Variants in SFXN5 observed in about 807,000 individuals in gnomAD.
SFXN5 encodes the protein sideroflexin-5.
Under a neutral mutation model 50.2 loss-of-function variants are expected in SFXN5, and 43 were observed. The ratio of observed to expected loss-of-function variants is 0.86; its 90% CI spans 0.67 to 1.11. The LOEUF is 1.11. Among genes scored for constraint, SFXN5 ranks in the 50% least tolerant of loss-of-function variants. The pLI, the probability that SFXN5 is intolerant of heterozygous loss-of-function variation, is 0.00. For missense variants in SFXN5, 463 were observed against 454.1 expected (o/e 1.02, Z -0.18); for synonymous variants, 203 against 185.8 (o/e 1.09, Z -0.75).
chr2:73,018,472 A>G (rs1425389126), intron 6 of SFXN5, among the ~76,000 whole-genome samples: 1 of 152,186 alleles, frequency 6.6e-6, no homozygotes, highest in Non-Finnish European at 1.5e-5. Context: ...AAAACCACAA[A>G]GACTGTATTA....
intron 13 of SFXN5, among the ~76,000 whole-genome samples, chr2:72,952,181 C>A (rs1044142603): frequency 6.6e-6 from 1 of 152,210 alleles, no homozygotes; most frequent in African/African-American, 2.4e-5. Context: ...CTTTTTCCAG[C>A]TTCTTCACCC....
intron 2 of SFXN5, among the ~76,000 whole-genome samples, chr2:73,047,283 T>TATATATATATATATATATATATACAC (rs1325442108): frequency 6.5e-4 from 48 of 73,568 alleles, no homozygotes; most frequent in South Asian, 2.0e-3. Context: ...TATACACACA[T>TATATATATATATATATATATATACAC]ATATATATAT....
In SFXN5 at chr2:73,000,482, C is replaced by T; in HGVS notation, c.417G>A (p.Leu139=). Residue 139 remains leucine, a synonymous_variant, in exon 8 of 14, where the codon CTG becomes CTA. Transcript: ENST00000272433. Reference sequence around the variant, plus strand: ...TGACACAGGCATTGTGGCTCTGGTTCAGCCACTGAAAGGCAATGATGAGAG... The same window carrying T: ...TGACACAGGCATTGTGGCTCTGGTTTAGCCACTGAAAGGCAATGATGAGAG... ...TLASTVFWQW[L]NQSHNACVNY... 1 of 1,558,986 alleles carries T rather than the reference C, an allele frequency of 6.4e-7. No individual in the cohort carries two copies. Among genetic ancestry groups the T allele is most frequent in the Non-Finnish European group, 8.7e-7 (1 of 1,150,044 alleles).
At chr2:73,023,069 G>A in intron 4 of SFXN5, 119 bp downstream of exon 4, 1 of 963,490 alleles carries the variant, frequency 1.0e-6, no homozygotes, top group Non-Finnish European at 1.6e-6. Context: ...GGGGGCCAAG[G>A]GCAAATGTGA....
rs1673739888 is a variant in SFXN5, at chr2:72,961,482, G to A, written c.828-234C>T. Among the ~76,000 whole-genome samples, 1 of 152,208 alleles carries A rather than the reference G, an allele frequency of 6.6e-6. No homozygotes were observed. The highest frequency in any genetic ancestry group is 2.1e-4 in the South Asian group (1 of 4,832). On this transcript the variant is annotated intron_variant, in intron 12 of 13. Transcript: ENST00000272433. The surrounding 1 kb of genome is among the most constrained non-coding windows in gnomAD (Gnocchi z 4.4). ...CCCAATGTCTTGAAGGACGTTGCTG[G>A]CTGAAACCTCAATTACTCAGGTCAC...
intron 13 of SFXN5, among the ~76,000 whole-genome samples, chr2:72,956,669 G>C (rs542028868): frequency 6.6e-6 from 1 of 152,200 alleles, no homozygotes; most frequent in Non-Finnish European, 1.5e-5. Context: ...ACCTACCTTG[G>C]AGAATTCTCA....
At chr2:73,047,868 C>A (rs59108557) in intron 2 of SFXN5, among the ~76,000 whole-genome samples, 10 of 151,834 alleles carry the variant, frequency 6.6e-5, no homozygotes, top group African/African-American at 2.4e-4. Context: ...ATTTATCCAA[C>A]GGAATTAAAG....
chr2:73,052,712 G>A (rs1171218760), intron 2 of SFXN5, among the ~76,000 whole-genome samples: 1 of 152,200 alleles, frequency 6.6e-6, no homozygotes, highest in Non-Finnish European at 1.5e-5. Context: ...ATAATTAAGA[G>A]TAATTCAGAT....
chr2:73,036,656 C>A (rs1371449490), intron 3 of SFXN5, among the ~76,000 whole-genome samples: 1 of 152,116 alleles, frequency 6.6e-6, no homozygotes, highest in African/African-American at 2.4e-5. Context: ...ACTCTGGGAG[C>A]TGGAAGGGGT....
chr2:73,047,247 T>TATATATATATATATATATATATACACAC (rs1559199544), intron 2 of SFXN5, among the ~76,000 whole-genome samples: 21 of 19,448 alleles, frequency 1.1e-3, no homozygotes, highest in South Asian at 3.1e-3. Context: ...AAAAAAAAAA[T>TATATATATATATATATATATATACACAC]ATATATATAT....
intron 1 of SFXN5, chr2:73,070,646 G>C (rs1415468737): frequency 2.0e-5 from 3 of 152,054 alleles, no homozygotes; most frequent in Admixed American, 1.3e-4. Flanking sequence ...CCCCGGCTCC[G>C]GTCTCCGGGC....
rs577319125 is a variant in SFXN5, at chr2:72,954,879, C to T, written c.945+6252G>A. ...ACCAGGGCCCTGTCTTGAGTTTTCA[C>T]TTCCCTAATCCTACTGGGAGAAACT... On this transcript the variant is annotated intron_variant, in intron 13 of 13. Coordinates refer to ENST00000272433, the MANE Select transcript of SFXN5 (RefSeq NM_144579.3). Among the ~76,000 whole-genome samples the T allele has an allele frequency of 2.6e-5, 4 of 152,364 alleles. No homozygotes were observed. In the East Asian group the frequency reaches 7.7e-4, roughly 29 times the overall value.
At position 72,999,627 on chromosome 2, in the gene SFXN5, G is replaced by A. The variant is rs187794775; in HGVS notation, c.469-613C>T. Among the ~76,000 whole-genome samples the A allele has an allele frequency of 1.6e-3, 237 of 152,022 alleles. 2 individuals carry two copies. Among genetic ancestry groups the A allele is most frequent in the African/African-American group, 5.0e-3 (208 of 41,484 alleles). ...CATCCAAGCAGAGATGGCCATATGT[G>A]AAGCCTATGAGAGAGACTTGGGGTG... On this transcript the variant is annotated intron_variant, in intron 8 of 13. Coordinates refer to ENST00000272433, the MANE Select transcript of SFXN5 (RefSeq NM_144579.3).
intron 13 of SFXN5, among the ~76,000 whole-genome samples, chr2:72,955,291 G>A (rs757957909): frequency 4.1e-4 from 62 of 152,236 alleles, no homozygotes; most frequent in African/African-American, 1.2e-3. Context: ...CCCGCCGCCC[G>A]CCCGTTCACG....
chr2:72,984,848 G>A (rs1393088188), intron 10 of SFXN5, among the ~76,000 whole-genome samples: 4 of 152,126 alleles, frequency 2.6e-5, no homozygotes, highest in Non-Finnish European at 4.4e-5. Flanking sequence ...GTCCAGGTGC[G>A]TGTGTCTCAG....
chr2:72,968,531 G>C lies in SFXN5; in HGVS notation c.744C>G (p.Ala248=). 1 of 1,613,274 alleles carries C rather than the reference G, an allele frequency of 6.2e-7. No individual in the cohort carries two copies. ...CTCGCGTCAGCGCCGTCTCCAGCAGGGCCTGAGGGGCAGGCAGAAGCTGTG... is the reference window on the plus strand; with the variant it reads ...CTCGCGTCAGCGCCGTCTCCAGCAGCGCCTGAGGGGCAGGCAGAAGCTGTG... ...VGSSKIAARH[A]LLETALTRVV... is the part of the protein sequence containing the mutation. Residue 248 remains alanine (A), a splice_region_variant and synonymous_variant, in exon 12 of 14, where the codon GCC becomes GCG. Transcript: ENST00000272433.
chr2:73,047,546 G>A (rs112437215), intron 2 of SFXN5, among the ~76,000 whole-genome samples: 1 of 151,422 alleles, frequency 6.6e-6, no homozygotes, highest in African/African-American at 2.4e-5. Flanking sequence ...ATTGAATCAT[G>A]GGGCAATTTC....
intron 9 of SFXN5, among the ~76,000 whole-genome samples, chr2:72,989,132 C>T (rs1400219373): frequency 2.0e-5 from 3 of 152,334 alleles, no homozygotes; most frequent in Non-Finnish European, 2.9e-5. Context: ...TCCATAACCT[C>T]ACTTCCCCTC....
In SFXN5 at chr2:73,042,239, C is replaced by A. The variant is rs546430496; in HGVS notation, c.172-1308G>T. Among the ~76,000 whole-genome samples the A allele has an allele frequency of 3.9e-5, 6 of 152,240 alleles. No homozygotes were observed. The South Asian group carries it at 1.2e-3, about 32-fold the overall frequency. ...GTTCATAGCAGCAGCATTTATATAG[C>A]CCCAAACTGCAAATAATTCATTGTA... On this transcript the variant is annotated intron_variant, in intron 2 of 13. Transcript: ENST00000272433.
Sources: gnomAD v4.1 joint callset for allele counts (sites outside exome capture counted in the v4.1 genomes callset) on GRCh38, gnomAD v4.1.1 for gene constraint, Gnocchi (gnomAD v3.1) non-coding constraint, MANE v1.5 for transcripts, NCBI Gene and HGNC (gene_info 2026-07-23, HGNC 2026-07-21) for gene names.